Variants in EYS observed in about 807,000 individuals in gnomAD.
EYS encodes the protein EGF-like photoreceptor maintenance factor, also known as protein eyes shut homolog.
A neutral mutation model predicts 282.1 loss-of-function variants in EYS; 250 were observed. The ratio of observed to expected loss-of-function variants is 0.89; its 90% CI spans 0.80 to 0.98. The LOEUF is 0.98. Among genes scored for constraint, EYS ranks in the 50% least tolerant of loss-of-function variants. EYS has a pLI of 0.00. For synonymous variants in EYS, 1,355 were observed against 1,282.9 expected (o/e 1.06, Z -1.20); for missense variants, 4,016 against 3,709.0 (o/e 1.08, Z -2.15).
At chr6:64,967,570 G>C (rs977996816) in intron 14 of EYS, among the ~76,000 whole-genome samples, 1 of 151,952 alleles carries the variant, frequency 6.6e-6, no homozygotes, top group Non-Finnish European at 1.5e-5. Flanking sequence ...CACCTGCCTC[G>C]GCCTCCCAAA....
chr6:64,851,079 G>A (rs923858117), intron 19 of EYS, among the ~76,000 whole-genome samples: 1 of 152,064 alleles, frequency 6.6e-6, no homozygotes, highest in African/African-American at 2.4e-5. Flanking sequence ...ATTTAACAAG[G>A]TCTGGCATTT....
At position 65,296,066 on chromosome 6, in the gene EYS, T is replaced by C. The variant is rs777062237; in HGVS notation, c.1820A>G (p.Tyr607Cys). 8 of 1,550,506 alleles carry C rather than the reference T, an allele frequency of 5.2e-6. No individual in the cohort carries two copies. Among genetic ancestry groups the C allele is most frequent in the African/African-American group, 4.1e-5 (3 of 72,984 alleles). ...IGRLCVVNVD[Y>C]CLGNHSISVH... The stretch of plus-strand genomic sequence containing the variant: ...TGATATACTGTGGTTCCCTAAGCAA[T>C]AGTCAACATTGACAACACACAATCT... The change falls in exon 12 of 43, where the codon TAT (tyrosine) becomes TGT (cysteine). Residue 607 changes from tyrosine to cysteine, a missense_variant. Transcript: ENST00000503581.
In EYS at chr6:65,248,019, C is replaced by A. The variant is rs140372634; in HGVS notation, c.2023+47844G>T. Among the ~76,000 whole-genome samples, 85 of 151,982 alleles carry A rather than the reference C, an allele frequency of 5.6e-4. No homozygotes were observed. The East Asian group carries it at 0.014, about 25-fold the overall frequency. On this transcript the variant is annotated intron_variant, in intron 12 of 42. Transcript: ENST00000503581. ...GATTTTAGATTGCTTATAATTTCCC[C>A]TACAATTTACTCTATAAAAAAGATT...
In EYS at chr6:64,638,572, G is replaced by T. The variant is rs573146364; in HGVS notation, c.3444-12327C>A. Among the ~76,000 whole-genome samples the T allele has an allele frequency of 6.7e-5, 6 of 90,056 alleles. 2 individuals are homozygous for T. The South Asian group carries it at 2.8e-3, about 41-fold the overall frequency. The allele number at this position is 90,056 out of a possible 152,430, so 59.1% of individuals were successfully genotyped here. On this transcript the variant is annotated intron_variant, in intron 22 of 42. Transcript: ENST00000503581. ...TAACATGTGTCTTTTTCATTATTTG[G>T]GAGAGTTCTAGAATGAGCAAGACAT...
chr6:64,681,385 T>C (rs1583033399), intron 22 of EYS, among the ~76,000 whole-genome samples: 2 of 152,100 alleles, frequency 1.3e-5, no homozygotes, highest in African/African-American at 4.8e-5. Flanking sequence ...ACTGGCTTAA[T>C]AGAGTGTGAC....
chr6:64,362,787 T>C lies in EYS; in HGVS notation c.6078+25903A>G, dbSNP rs138886329. Among the ~76,000 whole-genome samples the C allele has an allele frequency of 8.6e-3, 1,311 of 151,872 alleles. 26 individuals are homozygous for C. Among genetic ancestry groups the C allele is most frequent in the African/African-American group, 0.029 (1,201 of 41,492 alleles). On this transcript the variant is annotated intron_variant, in intron 29 of 42. Transcript: ENST00000503581. ...TAATGTATTTACTTTGATTTTTACT[T>C]CAACAGTAGTGTCACAAGTTAGGTT...
intron 28 of EYS, among the ~76,000 whole-genome samples, chr6:64,395,930 A>T (rs1018757285): frequency 5.3e-5 from 8 of 152,096 alleles, no homozygotes; most frequent in Non-Finnish European, 1.2e-4. Flanking sequence ...ATTATGGCAT[A>T]CATAATAAAG....
At chr6:64,762,666 T>C (rs913267222) in intron 22 of EYS, among the ~76,000 whole-genome samples, 25 of 151,736 alleles carry the variant, frequency 1.6e-4, no homozygotes, top group African/African-American at 6.1e-4. Context: ...TGTTGGAGAA[T>C]GTAAACACAC....
chr6:64,233,693 A>T (rs1363189702), intron 30 of EYS, among the ~76,000 whole-genome samples: 2 of 152,218 alleles, frequency 1.3e-5, no homozygotes, highest in Non-Finnish European at 2.9e-5. Flanking sequence ...AGCCATTATT[A>T]TAACAAGAAA....
intron 5 of EYS, among the ~76,000 whole-genome samples, chr6:65,422,141 T>C (rs1207925632): frequency 2.0e-5 from 3 of 151,898 alleles, no homozygotes; most frequent in Non-Finnish European, 4.4e-5. Context: ...ACAATGTATG[T>C]CTGTATTTTA....
At chr6:65,555,551 T>G (rs971599707) in intron 2 of EYS, among the ~76,000 whole-genome samples, 1 of 152,178 alleles carries the variant, frequency 6.6e-6, no homozygotes, top group East Asian at 1.9e-4. Context: ...TTTGACACTT[T>G]TATTAAAAAC....
intron 35 of EYS, among the ~76,000 whole-genome samples, chr6:63,964,553 G>A (rs1055923207): frequency 3.9e-5 from 6 of 152,162 alleles, no homozygotes; most frequent in Non-Finnish European, 5.9e-5. Context: ...TGCAAAACAT[G>A]CTTTCTTACA....
At chr6:64,137,349 G>A (rs1774195744) in intron 31 of EYS, among the ~76,000 whole-genome samples, 1 of 152,126 alleles carries the variant, frequency 6.6e-6, no homozygotes. Context: ...GGTGTTCAAT[G>A]GAGTAGCACT....
intron 30 of EYS, among the ~76,000 whole-genome samples, chr6:64,239,633 A>C (rs9359843): frequency 1 from 150,726 of 150,878 alleles, 75,287 homozygotes; most frequent in Middle Eastern, 1. Flanking sequence ...TGTTTAAGTT[A>C]TTTGTAGATT....
chr6:65,687,725 T>A (rs1293518517), intron 1 of EYS, among the ~76,000 whole-genome samples: 1 of 152,138 alleles, frequency 6.6e-6, no homozygotes, highest in Non-Finnish European at 1.5e-5. Context: ...ATAGGCAACT[T>A]CAGCAAAGTC....
chr6:65,220,900 C>G (rs1448476555), intron 12 of EYS, among the ~76,000 whole-genome samples: 1 of 152,142 alleles, frequency 6.6e-6, no homozygotes, highest in Non-Finnish European at 1.5e-5. Flanking sequence ...ATAAAGGTGA[C>G]TCTTGCTATA....
intron 31 of EYS, among the ~76,000 whole-genome samples, chr6:64,097,112 A>T (rs1023939238): frequency 2.0e-5 from 3 of 152,106 alleles, no homozygotes; most frequent in African/African-American, 7.2e-5. Context: ...TTCCTCTGGA[A>T]GTTTTGTCTC....
At chr6:63,878,050 A>G (rs1455072811) in intron 35 of EYS, among the ~76,000 whole-genome samples, 1 of 152,132 alleles carries the variant, frequency 6.6e-6, no homozygotes, top group Admixed American at 6.5e-5. Context: ...GAGAAGAGGC[A>G]CTCTGACTTT....
intron 31 of EYS, among the ~76,000 whole-genome samples, chr6:64,225,487 G>A (rs1305013734): frequency 2.0e-5 from 3 of 152,034 alleles, no homozygotes; most frequent in African/African-American, 4.8e-5. Context: ...AAAGGGTGGT[G>A]TAAGAGTATG....
Sources: allele counts gnomAD v4.1 joint callset (sites outside exome capture counted in the v4.1 genomes callset), GRCh38; gene constraint gnomAD v4.1.1; transcripts MANE v1.5; gene names NCBI Gene and HGNC (gene_info 2026-07-23, HGNC 2026-07-21).